The following SP100 variants were observed in gnomAD, a reference collection of about 807,000 sequenced individuals.
SP100 encodes the protein nuclear autoantigen Sp-100.
SP100 carries 84 observed loss-of-function variants against 130.0 expected under a neutral mutation model. The observed-to-expected ratio is 0.65, with a 90% CI of 0.54 to 0.77. The LOEUF (loss-of-function observed/expected upper bound fraction) is 0.77. Among genes scored for constraint, SP100 ranks in the 30% least tolerant of loss-of-function variants. The pLI is 0.00. For missense variants in SP100, 978 were observed against 1,052.2 expected (o/e 0.93, Z 0.97); for synonymous variants, 331 against 351.7 (o/e 0.94, Z 0.66).
chr2:230,454,976 A>G (rs556894735), intron 8 of SP100, among the ~76,000 whole-genome samples: 2 of 152,270 alleles, frequency 1.3e-5, no homozygotes, highest in African/African-American at 4.8e-5. Context: ...TTGGGTGCAT[A>G]TGTTTACAAT....
chr2:230,417,816 G>GT (rs1467664526), intron 2 of SP100, 151 bp downstream of exon 2: 19 of 1,206,836 alleles, frequency 1.6e-5, no homozygotes, highest in Non-Finnish European at 2.1e-5. Context: ...TGAGGTGTTT[G>GT]TCCTTTTTTT....
At chr2:230,429,990 A>G (rs1559483041) in intron 2 of SP100, among the ~76,000 whole-genome samples, 1 of 152,142 alleles carries the variant, frequency 6.6e-6, no homozygotes, top group Non-Finnish European at 1.5e-5. Flanking sequence ...ATTAGAGCAT[A>G]TTCGTTTATT....
chr2:230,457,762 C>T (rs9967666), intron 8 of SP100, among the ~76,000 whole-genome samples: 2,744 of 152,210 alleles, frequency 0.018, 79 homozygotes, highest in African/African-American at 0.06. Context: ...ATGCATAGGT[C>T]GTTGTTCACA....
In SP100 at chr2:230,503,053, T is replaced by C. The variant is rs2067125562; in HGVS notation, c.1721-13T>C. The C allele has an allele frequency of 1.9e-6, 3 of 1,592,186 alleles. No homozygotes were observed. Among genetic ancestry groups the C allele is most frequent in the Non-Finnish European group, 1.7e-6 (2 of 1,166,726 alleles). On this transcript the variant is annotated splice_polypyrimidine_tract_variant and intron_variant, in intron 19 of 28. Coordinates refer to ENST00000340126, the MANE Select transcript of SP100 (RefSeq NM_001080391.2). ...TGTAAAGAGACATTTATGTTGTTTT[T>C]CAACTTTCTCAGGAAGAAAAGCCAA...
intron 2 of SP100, among the ~76,000 whole-genome samples, chr2:230,438,949 A>G (rs2063384069): frequency 6.6e-6 from 1 of 152,176 alleles, no homozygotes; most frequent in Non-Finnish European, 1.5e-5. Flanking sequence ...CAGCAGTTGT[A>G]ATAGTTTACA....
intron 2 of SP100, among the ~76,000 whole-genome samples, chr2:230,434,986 A>C (rs1424475636): frequency 1.3e-5 from 2 of 152,206 alleles, no homozygotes; most frequent in Non-Finnish European, 2.9e-5. Flanking sequence ...TCTTGTTTTT[A>C]TAAGATGGAT....
intron 2 of SP100, among the ~76,000 whole-genome samples, chr2:230,418,539 G>A (rs1018153946): frequency 9.9e-5 from 15 of 151,920 alleles, no homozygotes; most frequent in African/African-American, 3.6e-4. Flanking sequence ...GCTTGGCCAG[G>A]GCAGGTCACC....
chr2:230,470,101 AAAG>A lies in SP100; in HGVS notation c.1429+8_1429+10del. The stretch of plus-strand genomic sequence containing the variant: ...CTCATCCCTAAGAAGAGGGTCAGGT[AAAG>A]AAGATTAGGATGCCAAGACTTGGCC... On this transcript the variant is annotated splice_donor_5th_base_variant and intron_variant, in intron 15 of 28. Transcript: ENST00000340126. 6.2e-6 allele frequency: 10 copies of A among 1,604,316 alleles called. No individual in the cohort carries two copies. The highest frequency in any genetic ancestry group is 1.7e-4 in the Middle Eastern group (1 of 6,046).
At chr2:230,436,905 C>T (rs200513820) in intron 2 of SP100, among the ~76,000 whole-genome samples, 31 of 67,104 alleles carry the variant, frequency 4.6e-4, no homozygotes, top group South Asian at 3.1e-3. Flanking sequence ...TATACACACA[C>T]GCATATATGT....
chr2:230,466,427 C>G, intron 12 of SP100, 73 bp downstream of exon 12: 2 of 842,710 alleles, frequency 2.4e-6, no homozygotes, highest in Non-Finnish European at 4.0e-6. Flanking sequence ...ACAATATTTT[C>G]TACAAAAGAG....
At chr2:230,519,756 A>C (rs1039666771) in intron 24 of SP100, among the ~76,000 whole-genome samples, 2 of 152,174 alleles carry the variant, frequency 1.3e-5, no homozygotes, top group Non-Finnish European at 2.9e-5. Context: ...TATCAGAAGT[A>C]AGTCAGTTTG....
At chr2:230,426,169 G>A (rs987494669) in intron 2 of SP100, among the ~76,000 whole-genome samples, 3 of 152,002 alleles carry the variant, frequency 2.0e-5, no homozygotes, top group Non-Finnish European at 2.9e-5. Flanking sequence ...TGAAAGAGTT[G>A]CTAATTTTGT....
At position 230,510,885 on chromosome 2, in the gene SP100, C is replaced by A. The variant is rs181693179; in HGVS notation, c.2053-240C>A. ...AGCTCAGTCTCCCTGAATGGTTTCA[C>A]GAAGGCCTGCCTTGGGTGTGAGAGC... On this transcript the variant is annotated intron_variant, in intron 23 of 28. Coordinates refer to ENST00000340126, the MANE Select transcript of SP100 (RefSeq NM_001080391.2). 3.9e-4 allele frequency: 217 copies of A among 554,690 alleles called. 2 individuals carry two copies. In the East Asian group the frequency reaches 6.1e-3, roughly 16 times the overall value. 34.4% of individuals were successfully genotyped at this position (554,690 alleles called of 1,614,324 possible).
chr2:230,524,387 A>T (rs983520942), intron 24 of SP100, among the ~76,000 whole-genome samples: 1 of 151,186 alleles, frequency 6.6e-6, no homozygotes, highest in African/African-American at 2.4e-5. Context: ...AGAAAAGAAA[A>T]GGAAAAAAAA....
At position 230,442,971 on chromosome 2, in the gene SP100, C is replaced by A. The variant is rs552168070; in HGVS notation, c.142C>A (p.Leu48Met). 12 of 1,612,530 alleles carry A rather than the reference C, an allele frequency of 7.4e-6. 1 individual carries two copies. In the South Asian group the frequency reaches 1.2e-4, roughly 16 times the overall value. Reference sequence around the variant, plus strand: ...GGAAGACCAGGGTGTAGATGACAGGCTGCTCTATGACATTGTATTCAAGCA... The same window carrying A: ...GGAAGACCAGGGTGTAGATGACAGGATGCTCTATGACATTGTATTCAAGCA... ...FTEDQGVDDR[L>M]LYDIVFKHFK... Residue 48 changes from leucine (L) to methionine (M), a missense_variant, in exon 3 of 29, where the codon CTG becomes ATG. Leu to Met is a conservative substitution (Grantham distance 15). Coordinates refer to ENST00000340126, the MANE Select transcript of SP100 (RefSeq NM_001080391.2).
chr2:230,480,761 T>C (rs912968737), intron 17 of SP100, among the ~76,000 whole-genome samples: 16 of 152,194 alleles, frequency 1.1e-4, no homozygotes, highest in African/African-American at 3.9e-4. Context: ...GTGTGGCTTG[T>C]CTGAGAATGG....
At chr2:230,464,039 C>T in intron 10 of SP100, 28 bp from the exon 11 acceptor site, 2 of 1,480,650 alleles carry the variant, frequency 1.4e-6, no homozygotes, top group Non-Finnish European at 1.9e-6. Flanking sequence ...ACACTGAGAC[C>T]TCTAAAGAAT....
At position 230,443,180 on chromosome 2, in the gene SP100, A is replaced by C. The variant is rs935019136; in HGVS notation, c.270+81A>C. On this transcript the variant is annotated intron_variant, in intron 3 of 28. Transcript: ENST00000340126. ...CTTTGATATCCTAGACCAAAACTTC[A>C]GGGTACAATTTGCTAACTGACAGGT... The C allele has an allele frequency of 3.5e-6, 5 of 1,413,622 alleles. No individual in the cohort carries two copies. The African/African-American group carries it at 5.8e-5, about 16-fold the overall frequency. 87.6% of individuals were successfully genotyped at this position (1,413,622 alleles called of 1,614,324 possible).
chr2:230,521,365 C>T (rs1691162131), intron 24 of SP100, among the ~76,000 whole-genome samples: 1 of 152,196 alleles, frequency 6.6e-6, no homozygotes, highest in African/African-American at 2.4e-5. Context: ...GGAGCTGAAA[C>T]ACACCAGGTC....
Sources: allele counts gnomAD v4.1 joint callset (sites outside exome capture counted in the v4.1 genomes callset), GRCh38; gene constraint gnomAD v4.1.1; transcripts MANE v1.5; gene names NCBI Gene and HGNC (gene_info 2026-07-23, HGNC 2026-07-21).